MRTFA: variants seen among roughly 807,000 people sequenced by gnomAD.
MRTFA encodes the protein myocardin-related transcription factor A.
MRTFA carries 20 observed loss-of-function variants against 83.5 expected under a neutral mutation model. The ratio of observed to expected loss-of-function variants is 0.24; its 90% CI spans 0.17 to 0.35. The LOEUF is 0.35. Among genes scored for constraint, MRTFA ranks in the 10% least tolerant of loss-of-function variants. The pLI is 1.00. For missense variants in MRTFA, 1,200 were observed against 1,224.7 expected (o/e 0.98, Z 0.30); for synonymous variants, 659 against 541.2 (o/e 1.22, Z -3.02).
chr22:40,510,051 A>G (rs919225649), intron 3 of MRTFA, among the ~76,000 whole-genome samples: 2 of 151,294 alleles, frequency 1.3e-5, no homozygotes, highest in African/African-American at 4.9e-5. Context: ...TACAGAACCC[A>G]AATGAGAGCT....
At chr22:40,497,465 A>G (rs1399405871) in intron 3 of MRTFA, among the ~76,000 whole-genome samples, 1 of 152,220 alleles carries the variant, frequency 6.6e-6, no homozygotes, top group African/African-American at 2.4e-5. Flanking sequence ...AATAATCTTC[A>G]GAAATCATAT....
At chr22:40,466,499 CTT>C (rs1035125008) in intron 3 of MRTFA, among the ~76,000 whole-genome samples, 1 of 152,058 alleles carries the variant, frequency 6.6e-6, no homozygotes, top group South Asian at 2.1e-4. Context: ...CAATGTGCCT[CTT>C]TGTCAGAAAG....
intron 3 of MRTFA, among the ~76,000 whole-genome samples, chr22:40,544,076 A>G (rs900994281): frequency 2.0e-5 from 3 of 152,220 alleles, no homozygotes; most frequent in African/African-American, 7.2e-5. Flanking sequence ...TAGTGGGGAA[A>G]GAAGAGTATT....
chr22:40,635,763 C>T (rs949514689), intron 1 of MRTFA, among the ~76,000 whole-genome samples: 2 of 152,168 alleles, frequency 1.3e-5, no homozygotes, highest in Non-Finnish European at 2.9e-5. Flanking sequence ...TCGACACTTA[C>T]AACAAACAAC....
chr22:40,628,199 T>C (rs1799775227), intron 1 of MRTFA, among the ~76,000 whole-genome samples: 5 of 152,194 alleles, frequency 3.3e-5, no homozygotes, highest in Non-Finnish European at 7.3e-5. Flanking sequence ...GATTATTAAC[T>C]CTAGTTTACA....
intron 4 of MRTFA, among the ~76,000 whole-genome samples, chr22:40,459,822 C>CACACATATATATATAT (rs1308675939): frequency 1.5e-5 from 1 of 68,260 alleles, no homozygotes; most frequent in Non-Finnish European, 2.8e-5. Flanking sequence ...CACACACACA[C>CACACATATATATATAT]ATATATACAT....
chr22:40,545,621 C>G (rs1004408922), intron 3 of MRTFA, among the ~76,000 whole-genome samples: 1 of 150,362 alleles, frequency 6.7e-6, no homozygotes, highest in African/African-American at 2.5e-5. Flanking sequence ...TTATTAGAGA[C>G]GGGGTTTCAC....
chr22:40,500,692 G>A (rs1272902820), intron 3 of MRTFA, among the ~76,000 whole-genome samples: 7 of 150,598 alleles, frequency 4.6e-5, no homozygotes, highest in Non-Finnish European at 8.9e-5. Context: ...ACATGTTTCA[G>A]AGAGCACCGG....
At chr22:40,484,851 T>C (rs907164198) in intron 3 of MRTFA, among the ~76,000 whole-genome samples, 14 of 151,810 alleles carry the variant, frequency 9.2e-5, no homozygotes, top group Middle Eastern at 3.4e-3. Context: ...CGCAGGCGGA[T>C]CACGAGGTCA....
chr22:40,588,987 G>GA (rs1422042174), intron 2 of MRTFA, among the ~76,000 whole-genome samples: 3 of 150,262 alleles, frequency 2.0e-5, no homozygotes, highest in Non-Finnish European at 4.4e-5. Context: ...TGTCTCAGGG[G>GA]AAAAAAAAAG....
intron 13 of MRTFA, 82 bp downstream of exon 13, chr22:40,417,259 C>T (rs2052701470): frequency 6.5e-7 from 1 of 1,540,746 alleles, no homozygotes; most frequent in Non-Finnish European, 8.8e-7. Context: ...CCCCCTATTC[C>T]TCCGGGTGGG....
At chr22:40,593,086 C>T (rs1448120851) in intron 2 of MRTFA, among the ~76,000 whole-genome samples, 3 of 152,118 alleles carry the variant, frequency 2.0e-5, no homozygotes, top group African/African-American at 2.4e-5. Flanking sequence ...AGGTCAAGAG[C>T]CTCAACTTCC....
intron 4 of MRTFA, among the ~76,000 whole-genome samples, chr22:40,448,812 T>C (rs1233609725): frequency 6.6e-6 from 1 of 152,206 alleles, no homozygotes; most frequent in Non-Finnish European, 1.5e-5. Flanking sequence ...CATACAGCTT[T>C]AGGCAGTTAA....
intron 3 of MRTFA, among the ~76,000 whole-genome samples, chr22:40,533,426 G>A (rs1311398833): frequency 6.6e-6 from 1 of 152,104 alleles, no homozygotes; most frequent in Non-Finnish European, 1.5e-5. Flanking sequence ...AATTTGCAAT[G>A]AGAGAAAAAT....
intron 2 of MRTFA, among the ~76,000 whole-genome samples, chr22:40,566,379 C>T (rs1182798536): frequency 6.6e-6 from 1 of 152,102 alleles, no homozygotes. Flanking sequence ...ACCGCCACAC[C>T]TGGCTAATTT....
intron 4 of MRTFA, among the ~76,000 whole-genome samples, chr22:40,443,392 A>G (rs1486668647): frequency 1.3e-5 from 2 of 152,310 alleles, no homozygotes; most frequent in Non-Finnish European, 2.9e-5. Context: ...GAAACAAGCA[A>G]AAGTAGATAC....
chr22:40,533,505 C>A (rs1478314236), intron 3 of MRTFA: 5 of 760,392 alleles, frequency 6.6e-6, no homozygotes, highest in Non-Finnish European at 9.0e-6. Context: ...ACAAATATGA[C>A]CCATTTTTTT....
intron 3 of MRTFA, among the ~76,000 whole-genome samples, chr22:40,538,985 CTTTTGTTTTTTTTTT>C (rs1246150364): frequency 1.1e-4 from 12 of 106,888 alleles, no homozygotes; most frequent in Non-Finnish European, 1.4e-4. Context: ...GATACACAGC[CTTTTGTTTTTTTTTT>C]TTTTTTTTTT....
chr22:40,634,094 ATT>A (rs149996138), intron 1 of MRTFA, among the ~76,000 whole-genome samples: 6 of 144,404 alleles, frequency 4.2e-5, no homozygotes, highest in Middle Eastern at 3.6e-3. Flanking sequence ...ATTTATCAGG[ATT>A]TTTTTTTTTT....
Sources: allele counts gnomAD v4.1 joint callset (sites outside exome capture counted in the v4.1 genomes callset), GRCh38; gene constraint gnomAD v4.1.1; transcripts MANE v1.5; gene names NCBI Gene and HGNC (gene_info 2026-07-23, HGNC 2026-07-21).